The following GMDS variants were observed in gnomAD, a reference collection of about 807,000 sequenced individuals.
GMDS encodes the protein GDP-mannose 4,6-dehydratase.
In GMDS, 20 loss-of-function variants were observed where a neutral mutation model predicts 49.9. The observed-to-expected ratio is 0.40, with a 90% CI of 0.28 to 0.58. GMDS has a LOEUF of 0.58. Ranked by LOEUF, GMDS falls within the 20% of genes least tolerant of loss-of-function variation. GMDS has a pLI of 0.42. For synonymous variants in GMDS, 177 were observed against 178.6 expected, an observed-to-expected ratio of 0.99 and a Z score of 0.07; for missense variants, 362 against 481.4, an observed-to-expected ratio of 0.75 and a Z score of 2.32.
chr6:1,738,179 A>T (rs1767121971), intron 8 of GMDS, among the ~76,000 whole-genome samples: 1 of 151,706 alleles, frequency 6.6e-6, no homozygotes, highest in Non-Finnish European at 1.5e-5. Context: ...ACATACACAC[A>T]CACATATACA....
At chr6:2,196,769 G>A (rs1016990403) in intron 1 of GMDS, among the ~76,000 whole-genome samples, 2 of 152,194 alleles carry the variant, frequency 1.3e-5, no homozygotes, top group African/African-American at 4.8e-5. Flanking sequence ...GAGGAAAGCT[G>A]CAGAACACCA....
chr6:1,859,606 A>G (rs1422169997), intron 7 of GMDS, among the ~76,000 whole-genome samples: 1 of 151,994 alleles, frequency 6.6e-6, no homozygotes, highest in Non-Finnish European at 1.5e-5. Flanking sequence ...TTGTTTCTGG[A>G]TGGTCTGTCA....
chr6:1,901,145 G>A (rs1349551751), intron 7 of GMDS, among the ~76,000 whole-genome samples: 3 of 152,192 alleles, frequency 2.0e-5, no homozygotes, highest in African/African-American at 4.8e-5. Flanking sequence ...CCCTGGTTCC[G>A]TGGCTCCCGG....
chr6:2,137,543 A>G (rs1432514559), intron 1 of GMDS, among the ~76,000 whole-genome samples: 1 of 152,166 alleles, frequency 6.6e-6, no homozygotes, highest in East Asian at 1.9e-4. Flanking sequence ...CATGTTGGTC[A>G]GGCTGGTCTC....
chr6:2,110,790 A>G (rs1339774357), intron 4 of GMDS, among the ~76,000 whole-genome samples: 1 of 152,236 alleles, frequency 6.6e-6, no homozygotes, highest in African/African-American at 2.4e-5. Flanking sequence ...CAGATATTTA[A>G]AGGGTTAGAA....
intron 1 of GMDS, among the ~76,000 whole-genome samples, chr6:2,221,538 G>A (rs538612556): frequency 9.9e-5 from 15 of 152,008 alleles, no homozygotes; most frequent in Non-Finnish European, 1.6e-4. Context: ...ACAGGCACCC[G>A]CCACCACGAC....
chr6:1,701,330 C>T (rs1323008539), intron 9 of GMDS, among the ~76,000 whole-genome samples: 1 of 152,150 alleles, frequency 6.6e-6, no homozygotes, highest in Non-Finnish European at 1.5e-5. Flanking sequence ...ATTATGTATA[C>T]ATAATGTTTC....
At chr6:2,155,762 C>G (rs1477729838) in intron 1 of GMDS, among the ~76,000 whole-genome samples, 2 of 152,174 alleles carry the variant, frequency 1.3e-5, no homozygotes, top group African/African-American at 4.8e-5. Flanking sequence ...GCAGCTCCAT[C>G]AAGCTGTTTG....
At chr6:2,088,960 T>C (rs544026521) in intron 4 of GMDS, among the ~76,000 whole-genome samples, 1 of 152,378 alleles carries the variant, frequency 6.6e-6, no homozygotes, top group South Asian at 2.1e-4. Flanking sequence ...CAGTTTTATC[T>C]GTTCTCTCTT....
chr6:1,767,489 G>A (rs3800050), intron 7 of GMDS, among the ~76,000 whole-genome samples: 16,344 of 152,208 alleles, frequency 0.11, 1,120 homozygotes, highest in African/African-American at 0.19. Flanking sequence ...CAAGCAACAA[G>A]AGCAGAATGT....
At chr6:1,873,285 T>A (rs1157744750) in intron 7 of GMDS, among the ~76,000 whole-genome samples, 1 of 152,232 alleles carries the variant, frequency 6.6e-6, no homozygotes, top group Non-Finnish European at 1.5e-5. Context: ...CAGACGGTGT[T>A]TGCATTTGAC....
chr6:2,035,755 T>G (rs1361308488), intron 4 of GMDS, among the ~76,000 whole-genome samples: 1 of 152,102 alleles, frequency 6.6e-6, no homozygotes, highest in Non-Finnish European at 1.5e-5. Flanking sequence ...GGTGCAATCT[T>G]AATTCACTGC....
intron 7 of GMDS, among the ~76,000 whole-genome samples, chr6:1,864,002 A>G (rs1426256325): frequency 1.3e-5 from 2 of 152,166 alleles, no homozygotes; most frequent in Non-Finnish European, 2.9e-5. Flanking sequence ...AATTGATACA[A>G]TTAATTTCTC....
At chr6:1,893,324 G>A (rs1322583090) in intron 7 of GMDS, among the ~76,000 whole-genome samples, 1 of 151,270 alleles carries the variant, frequency 6.6e-6, no homozygotes, top group African/African-American at 2.4e-5. Context: ...CTCCTGAGTA[G>A]CTGGGATCAC....
intron 8 of GMDS, among the ~76,000 whole-genome samples, chr6:1,732,031 A>G (rs1272805573): frequency 2.6e-5 from 4 of 152,254 alleles, no homozygotes; most frequent in African/African-American, 4.8e-5. Context: ...ACAATTGTAC[A>G]TAGAAGATAA....
intron 8 of GMDS, among the ~76,000 whole-genome samples, chr6:1,738,390 A>T (rs989907435): frequency 4.6e-5 from 7 of 152,254 alleles, no homozygotes; most frequent in African/African-American, 1.7e-4. Flanking sequence ...TTTCTAATAA[A>T]TGCAAAACAA....
chr6:1,960,640 G>T, intron 5 of GMDS, 134 bp downstream of exon 5: 1 of 555,848 alleles, frequency 1.8e-6, no homozygotes, highest in Non-Finnish European at 3.2e-6. Context: ...AGTCACTTTA[G>T]TCTACCTTAA....
intron 4 of GMDS, among the ~76,000 whole-genome samples, chr6:2,008,849 G>A (rs139771388): frequency 6.6e-6 from 1 of 152,114 alleles, no homozygotes; most frequent in Non-Finnish European, 1.5e-5. Flanking sequence ...TGCCCTAGCA[G>A]GTACGTAACA....
intron 7 of GMDS, among the ~76,000 whole-genome samples, chr6:1,785,522 C>T (rs1769280992): frequency 6.6e-6 from 1 of 152,200 alleles, no homozygotes; most frequent in South Asian, 2.1e-4. Context: ...TCAGTGCTGA[C>T]CTCCAGGCCC....
Sources: allele counts gnomAD v4.1 joint callset (sites outside exome capture counted in the v4.1 genomes callset), GRCh38; gene constraint gnomAD v4.1.1; transcripts MANE v1.5; gene names NCBI Gene and HGNC (gene_info 2026-07-23, HGNC 2026-07-21).